Variants in TFEC observed in about 807,000 individuals in gnomAD.
The protein encoded by TFEC is transcription factor EC.
A neutral mutation model predicts 41.6 loss-of-function variants in TFEC; 31 were observed. That is an observed-to-expected ratio of 0.74 (90% CI 0.56 to 1.01). The LOEUF is 1.01. Ranked by LOEUF, TFEC falls within the 50% of genes least tolerant of loss-of-function variation. TFEC has a pLI of 0.00. For synonymous variants in TFEC, 143 were observed against 140.6 expected (o/e 1.02, Z -0.12); for missense variants, 402 against 404.1 (o/e 0.99, Z 0.04).
intron 1 of TFEC, among the ~76,000 whole-genome samples, chr7:116,126,870 C>T (rs1374318585): frequency 6.6e-6 from 1 of 152,046 alleles, no homozygotes; most frequent in Admixed American, 6.5e-5. Flanking sequence ...CACAAAACAA[C>T]CTGTCCAGAT....
At chr7:115,969,029 G>A (rs923621964) in intron 3 of TFEC, among the ~76,000 whole-genome samples, 1 of 151,732 alleles carries the variant, frequency 6.6e-6, no homozygotes, top group South Asian at 2.1e-4. Flanking sequence ...CTTTATTCTT[G>A]TTGCAGTAGT....
At position 115,939,312 on chromosome 7, in the gene TFEC, G is replaced by T. The variant is rs1353267101; in HGVS notation, c.*1239C>A. 6.6e-6 allele frequency: 1 copy of T among 151,784 alleles called. No homozygotes were observed. Among genetic ancestry groups the T allele is most frequent in the Non-Finnish European group, 1.5e-5 (1 of 67,916 alleles). The allele number at this position is 151,784 out of a possible 1,614,324, so 9.4% of individuals were successfully genotyped here. A position where few individuals can be genotyped will look rare whatever the true frequency, so the allele number is the denominator to read the frequency against. ...AGGTCCAGCACAGAGCAACGTGCTTGGTAACTTAATTTCCTAACCTAAAAC... is the reference window on the plus strand; with the variant it reads ...AGGTCCAGCACAGAGCAACGTGCTTTGTAACTTAATTTCCTAACCTAAAAC... On this transcript the variant is annotated 3_prime_UTR_variant, in exon 8 of 8. Transcript: ENST00000265440.
chr7:116,061,380 A>C (rs922520435), intron 3 of TFEC, among the ~76,000 whole-genome samples: 5 of 152,170 alleles, frequency 3.3e-5, no homozygotes, highest in Non-Finnish European at 7.3e-5. Context: ...TTTTCAACAA[A>C]TTATTCTGGA....
rs954999397 is a variant in TFEC at position 115,935,984 on chromosome 7, A to G, written c.*4567T>C. 1 of 151,558 alleles carries G rather than the reference A, an allele frequency of 6.6e-6. No individual in the cohort carries two copies. Among genetic ancestry groups the G allele is most frequent in the African/African-American group, 2.4e-5 (1 of 41,398 alleles). 9.4% of individuals were successfully genotyped at this position (151,558 alleles called of 1,614,324 possible). On this transcript the variant is annotated 3_prime_UTR_variant, in exon 8 of 8. Transcript: ENST00000265440. ...AAGTTGGTTGAATCCTGGGAGATAT[A>G]TTTTTTAATCAAAATAGCTGTTTTC...
intron 3 of TFEC, among the ~76,000 whole-genome samples, chr7:116,057,148 T>G (rs114482304): frequency 0.024 from 3,590 of 151,958 alleles, 141 homozygotes; most frequent in African/African-American, 0.081. Context: ...ACAACAAAAA[T>G]GGGCAAAGTG....
At chr7:116,095,773 G>C (rs1374571546) in intron 3 of TFEC, among the ~76,000 whole-genome samples, 1 of 151,976 alleles carries the variant, frequency 6.6e-6, no homozygotes, top group African/African-American at 2.4e-5. Flanking sequence ...TGCATCTGGA[G>C]GAGCTCTCTT....
At chr7:115,967,852 C>T (rs1792937897) in intron 3 of TFEC, among the ~76,000 whole-genome samples, 1 of 151,656 alleles carries the variant, frequency 6.6e-6, no homozygotes, top group Non-Finnish European at 1.5e-5. Flanking sequence ...TACATATGAC[C>T]TATTTAGTAA....
Position 115,939,636 on chromosome 7 carries a change from T to C in TFEC, c.*915A>G, listed in dbSNP as rs764620509. On this transcript the variant is annotated 3_prime_UTR_variant, in exon 8 of 8. Transcript: ENST00000265440. ...TGAAAACTGTCCTTGCAGGGGGACA[T>C]TTTATATTTTATTTACTAAAATTGA... 3.9e-5 allele frequency: 6 copies of C among 152,022 alleles called. No individual in the cohort carries two copies. Among genetic ancestry groups the C allele is most frequent in the Non-Finnish European group, 7.4e-5 (5 of 67,956 alleles). 9.4% of individuals were successfully genotyped at this position (152,022 alleles called of 1,614,324 possible). A position where few individuals can be genotyped will look rare whatever the true frequency, so the allele number is the denominator to read the frequency against.
chr7:116,065,399 T>C (rs1455601515), intron 3 of TFEC, among the ~76,000 whole-genome samples: 2 of 152,142 alleles, frequency 1.3e-5, no homozygotes, highest in South Asian at 2.1e-4. Flanking sequence ...GCTTACATGG[T>C]ATAATAATGT....
chr7:116,000,940 GA>G (rs35990082), intron 1 of TFEC, among the ~76,000 whole-genome samples: 20,653 of 132,540 alleles, frequency 0.16, 1,872 homozygotes, highest in Non-Finnish European at 0.23. Flanking sequence ...CACAGAAATA[GA>G]AAAAAAAAAA....
chr7:116,100,575 G>C (rs1797580958), intron 3 of TFEC, among the ~76,000 whole-genome samples: 1 of 147,962 alleles, frequency 6.8e-6, no homozygotes, highest in African/African-American at 2.5e-5. Context: ...GCGAACAAGA[G>C]AAAGAGACAG....
chr7:116,063,701 T>C (rs1290959804), intron 3 of TFEC, among the ~76,000 whole-genome samples: 1 of 152,194 alleles, frequency 6.6e-6, no homozygotes, highest in Non-Finnish European at 1.5e-5. Flanking sequence ...TGTATACATA[T>C]ATTAAAAATT....
chr7:115,992,453 C>T (rs946526745), intron 1 of TFEC, among the ~76,000 whole-genome samples: 2 of 152,082 alleles, frequency 1.3e-5, no homozygotes, highest in African/African-American at 4.8e-5. Flanking sequence ...AATTGATAGA[C>T]CGCTAGCAAG....
chr7:116,038,336 A>G lies in TFEC; in HGVS notation c.199-53823T>C, dbSNP rs566685805. ...TCCCTTTTGCCAGACAGGTGCCATG[A>G]TCCCTTATCATTTCCCCATTTTTGC... On this transcript the variant is annotated intron_variant, in intron 3 of 8. Coordinates refer to the TFEC transcript ENST00000484212. Among the ~76,000 whole-genome samples the G allele has an allele frequency of 3.3e-5, 5 of 152,044 alleles. No individual in the cohort carries two copies. The East Asian group carries it at 9.7e-4, about 29-fold the overall frequency.
At chr7:115,947,164 G>T (rs1791634717) in intron 6 of TFEC, among the ~76,000 whole-genome samples, 1 of 147,124 alleles carries the variant, frequency 6.8e-6, no homozygotes, top group African/African-American at 2.5e-5. Context: ...AGTGAGAATA[G>T]GTGGTGTCTG....
At chr7:116,021,143 C>T (rs1204450443) in intron 1 of TFEC, among the ~76,000 whole-genome samples, 1 of 152,138 alleles carries the variant, frequency 6.6e-6, no homozygotes, top group Admixed American at 6.6e-5. Flanking sequence ...AAAGCATTTC[C>T]TTTTAAAAAG....
chr7:115,958,209 G>T (rs976683775), intron 3 of TFEC, among the ~76,000 whole-genome samples: 1 of 151,826 alleles, frequency 6.6e-6, no homozygotes, highest in Non-Finnish European at 1.5e-5. Flanking sequence ...TGTAAAATAG[G>T]GACAAAGTTG....
intron 2 of TFEC, among the ~76,000 whole-genome samples, chr7:115,983,296 C>T (rs1793709873): frequency 6.6e-6 from 1 of 152,026 alleles, no homozygotes; most frequent in South Asian, 2.1e-4. Flanking sequence ...CAATCTGCCA[C>T]ATCCTTATTT....
chr7:116,019,453 C>T (rs1319899242), intron 1 of TFEC, among the ~76,000 whole-genome samples: 2 of 152,182 alleles, frequency 1.3e-5, no homozygotes, highest in Non-Finnish European at 2.9e-5. Context: ...GGCTTACACA[C>T]TATCTTACAA....
Sources: allele counts gnomAD v4.1 joint callset (sites outside exome capture counted in the v4.1 genomes callset), GRCh38; gene constraint gnomAD v4.1.1; transcripts MANE v1.5; gene names NCBI Gene and HGNC (gene_info 2026-07-23, HGNC 2026-07-21).